ALOX5: variants seen among roughly 807,000 people sequenced by gnomAD.
ALOX5 encodes the protein polyunsaturated fatty acid 5-lipoxygenase.
Under a neutral mutation model 87.9 loss-of-function variants are expected in ALOX5, and 64 were observed. That is an observed-to-expected ratio of 0.73 (90% CI 0.60 to 0.90). The LOEUF (loss-of-function observed/expected upper bound fraction) is 0.90. Among genes scored for constraint, ALOX5 ranks in the 40% least tolerant of loss-of-function variants. The pLI is 0.00. For missense variants in ALOX5, 822 were observed against 907.5 expected (o/e 0.91, Z 1.21); for synonymous variants, 388 against 355.1 (o/e 1.09, Z -1.04).
At chr10:45,392,772 TC>T (rs1840336735) in intron 2 of ALOX5, among the ~76,000 whole-genome samples, 1 of 150,548 alleles carries the variant, frequency 6.6e-6, no homozygotes, top group African/African-American at 2.4e-5. Flanking sequence ...AAAGGGGACA[TC>T]ACCACGGATT....
intron 1 of ALOX5, among the ~76,000 whole-genome samples, chr10:45,375,329 A>G (rs1464120351): frequency 6.6e-6 from 1 of 152,192 alleles, no homozygotes. Context: ...GAGCATGGGC[A>G]GGTCGCAGTT....
chr10:45,432,698 T>TAAAATG (rs1462343324), intron 7 of ALOX5, among the ~76,000 whole-genome samples: 1 of 152,148 alleles, frequency 6.6e-6, no homozygotes, highest in Admixed American at 6.5e-5. Context: ...TCAGATGAAG[T>TAAAATG]AAAAATTAAA....
chr10:45,385,078 C>T (rs934687200), intron 2 of ALOX5, among the ~76,000 whole-genome samples: 1 of 152,136 alleles, frequency 6.6e-6, no homozygotes, highest in Non-Finnish European at 1.5e-5. Context: ...AACTCCTGAC[C>T]TCAGGTGATC....
intron 2 of ALOX5, among the ~76,000 whole-genome samples, chr10:45,392,680 C>A (rs1020369424): frequency 6.7e-6 from 1 of 149,180 alleles, no homozygotes; most frequent in Admixed American, 6.7e-5. Flanking sequence ...TCCCCCTCTG[C>A]GAGAAACACC....
chr10:45,399,429 G>T (rs898472757), intron 3 of ALOX5, among the ~76,000 whole-genome samples: 7 of 152,090 alleles, frequency 4.6e-5, no homozygotes, highest in African/African-American at 1.7e-4. Flanking sequence ...CACTTTAAAT[G>T]GATAAATTTT....
chr10:45,433,018 A>G (rs533178351), intron 7 of ALOX5, among the ~76,000 whole-genome samples: 1 of 152,378 alleles, frequency 6.6e-6, no homozygotes, highest in Admixed American at 6.5e-5. Flanking sequence ...AATTCACAAA[A>G]GAAGAAATGT....
intron 7 of ALOX5, among the ~76,000 whole-genome samples, chr10:45,434,380 A>G (rs1842001584): frequency 6.6e-6 from 1 of 152,242 alleles, no homozygotes; most frequent in Admixed American, 6.5e-5. Context: ...GTGTGTGGGT[A>G]GCAACAGGAG....
intron 5 of ALOX5, among the ~76,000 whole-genome samples, chr10:45,424,739 G>A (rs1036108649): frequency 1.3e-5 from 2 of 152,184 alleles, no homozygotes; most frequent in Admixed American, 1.3e-4. Context: ...AGTGCTCCAG[G>A]AGGCTTCTGA....
intron 1 of ALOX5, among the ~76,000 whole-genome samples, chr10:45,376,163 C>T (rs1312773768): frequency 6.6e-6 from 1 of 152,178 alleles, no homozygotes; most frequent in Non-Finnish European, 1.5e-5. Flanking sequence ...AGAGTGAAGG[C>T]ACTGTTTTGT....
At chr10:45,413,731 G>C (rs1388584365) in intron 4 of ALOX5, among the ~76,000 whole-genome samples, 3 of 152,072 alleles carry the variant, frequency 2.0e-5, no homozygotes, top group African/African-American at 2.4e-5. Flanking sequence ...AGCTGATAAG[G>C]AACTTCAGCA....
intron 6 of ALOX5, 32 bp from the exon 7 acceptor site, chr10:45,428,586 C>G: frequency 6.2e-7 from 1 of 1,612,588 alleles, no homozygotes; most frequent in Non-Finnish European, 8.5e-7. Context: ...TCTGCTGAGC[C>G]TGATTTGGAC....
At position 45,425,731 on chromosome 10, in the gene ALOX5, G is replaced by C. The variant is rs561191794; in HGVS notation, c.834+599G>C. On this transcript the variant is annotated intron_variant, in intron 6 of 13. Transcript: ENST00000374391. This position sits in a 1 kb window ranked among gnomAD's most constrained non-coding sequence, Gnocchi z 4.4. ...ACCAACTCCACCTGGATCTGGTGGG[G>C]CTCAGCAACAGGCGCTGGCCCATCA... Among the ~76,000 whole-genome samples the C allele has an allele frequency of 6.6e-6, 1 of 152,308 alleles. No homozygotes were observed. Among genetic ancestry groups the C allele is most frequent in the African/African-American group, 2.4e-5 (1 of 41,556 alleles).
At position 45,412,376 on chromosome 10, in the gene ALOX5, A is replaced by C. The variant is rs565619560; in HGVS notation, c.554+63A>C. The C allele has an allele frequency of 7.7e-4, 1,235 of 1,597,334 alleles. 3 individuals carry two copies. The highest frequency in any genetic ancestry group is 2.2e-3 in the Middle Eastern group (13 of 5,958). On this transcript the variant is annotated intron_variant, in intron 4 of 13. Transcript: ENST00000374391. ...TCCAGTGGCTGGTGCTGGGGGTGGA[A>C]CCCTCACTCCTTTCCTCATGGGGTC...
intron 12 of ALOX5, 52 bp downstream of exon 12, chr10:45,443,880 TC>T: frequency 6.5e-7 from 1 of 1,536,154 alleles, no homozygotes; most frequent in Non-Finnish European, 8.8e-7. Flanking sequence ...GGCCGCTGCC[TC>T]CTCCCCCGCC....
chr10:45,412,035 T>C (rs1841081514), intron 3 of ALOX5, among the ~76,000 whole-genome samples, 156 bp from the exon 4 acceptor site: 1 of 152,204 alleles, frequency 6.6e-6, no homozygotes, highest in Admixed American at 6.5e-5. Context: ...TCCCAGAACC[T>C]TACTGGACAC....
At chr10:45,401,347 TG>T (rs1299919234) in intron 3 of ALOX5, among the ~76,000 whole-genome samples, 3 of 152,188 alleles carry the variant, frequency 2.0e-5, no homozygotes, top group Non-Finnish European at 4.4e-5. Flanking sequence ...ATATCTGGGT[TG>T]TTTTTTTAAC....
chr10:45,424,910 G>T, intron 5 of ALOX5, 50 bp from the exon 6 acceptor site: 1 of 1,603,458 alleles, frequency 6.2e-7, no homozygotes, highest in Non-Finnish European at 8.5e-7. Context: ...CCATGGCCCT[G>T]GCTGCCCTCT....
chr10:45,422,169 CT>C (rs1188730555), intron 4 of ALOX5, among the ~76,000 whole-genome samples: 10 of 152,206 alleles, frequency 6.6e-5, no homozygotes, highest in Non-Finnish European at 1.5e-4. Context: ...GAGTTCCCCC[CT>C]GTGGTTGCTC....
At chr10:45,384,793 C>T (rs1425218555) in intron 2 of ALOX5, among the ~76,000 whole-genome samples, 1 of 151,876 alleles carries the variant, frequency 6.6e-6, no homozygotes, top group Non-Finnish European at 1.5e-5. Flanking sequence ...ATGCAGACCC[C>T]CCCATCTCTC....
Sources: allele counts gnomAD v4.1 joint callset (sites outside exome capture counted in the v4.1 genomes callset), GRCh38; gene constraint gnomAD v4.1.1; non-coding constraint Gnocchi (gnomAD v3.1); transcripts MANE v1.5; gene names NCBI Gene and HGNC (gene_info 2026-07-23, HGNC 2026-07-21).